CNTN4: variants seen among roughly 807,000 people sequenced by gnomAD.
CNTN4 encodes the protein contactin-4.
CNTN4 carries 77 observed loss-of-function variants against 122.5 expected under a neutral mutation model. That is an observed-to-expected ratio of 0.63 (90% CI 0.52 to 0.76). The LOEUF is 0.76. Ranked by LOEUF, CNTN4 falls within the 30% of genes least tolerant of loss-of-function variation. The probability of loss-of-function intolerance (pLI) is 0.00; values close to 1 mark genes in which losing one functional copy is unlikely to be tolerated. For missense variants in CNTN4, 1,256 were observed against 1,259.1 expected (o/e 1.00, Z 0.04); for synonymous variants, 512 against 447.0 (o/e 1.15, Z -1.83).
chr3:2,616,114 C>T (rs1248349954), intron 4 of CNTN4, among the ~76,000 whole-genome samples: 2 of 151,364 alleles, frequency 1.3e-5, no homozygotes, highest in Non-Finnish European at 2.9e-5. Flanking sequence ...CTTGCTGCAC[C>T]TATTGATCCG....
At chr3:2,246,954 T>A (rs150482502) in intron 2 of CNTN4, among the ~76,000 whole-genome samples, 1 of 152,006 alleles carries the variant, frequency 6.6e-6, no homozygotes, top group Non-Finnish European at 1.5e-5. Context: ...AACATACACA[T>A]AGAGACAAGA....
intron 14 of CNTN4, among the ~76,000 whole-genome samples, chr3:2,992,680 C>A (rs1253327417): frequency 6.6e-6 from 1 of 152,032 alleles, no homozygotes; most frequent in East Asian, 1.9e-4. Flanking sequence ...TAATAGCAAC[C>A]CTCACTCCTA....
chr3:2,208,720 G>A (rs2038474334), intron 2 of CNTN4, among the ~76,000 whole-genome samples: 1 of 152,070 alleles, frequency 6.6e-6, no homozygotes, highest in African/African-American at 2.4e-5. Context: ...CTTATTTTCA[G>A]AAATGGCCAC....
intron 14 of CNTN4, among the ~76,000 whole-genome samples, chr3:3,020,083 A>C (rs910761643): frequency 6.6e-5 from 10 of 152,160 alleles, no homozygotes; most frequent in Admixed American, 3.3e-4. Flanking sequence ...GTTAGCCTTC[A>C]GGCAGTTCCT....
intron 4 of CNTN4, among the ~76,000 whole-genome samples, chr3:2,652,021 G>T (rs915375850): frequency 1.7e-4 from 24 of 143,996 alleles, no homozygotes; most frequent in East Asian, 4.0e-4. Context: ...AAAAGGTGTT[G>T]TTTTTTTTTT....
At chr3:2,950,172 C>A (rs1479483068) in intron 13 of CNTN4, among the ~76,000 whole-genome samples, 1 of 152,314 alleles carries the variant, frequency 6.6e-6, no homozygotes, top group East Asian at 1.9e-4. Context: ...TCCAGAGAGC[C>A]CTGTTTCCTC....
At chr3:2,384,965 C>T (rs2046190000) in intron 3 of CNTN4, among the ~76,000 whole-genome samples, 1 of 152,040 alleles carries the variant, frequency 6.6e-6, no homozygotes, top group Non-Finnish European at 1.5e-5. Context: ...GACGTTCAAA[C>T]TCATTTGGCT....
At position 2,736,743 on chromosome 3, in the gene CNTN4, G is replaced by A. The variant is rs997119938; in HGVS notation, c.182+402G>A. On this transcript the variant is annotated intron_variant, in intron 5 of 24. Transcript: ENST00000418658. Reference sequence around the variant, plus strand: ...CTCCCAAAGTGCTGGGATTACAGGCGTGAGCCACCACACCCGGACCAAGAG... The same window carrying A: ...CTCCCAAAGTGCTGGGATTACAGGCATGAGCCACCACACCCGGACCAAGAG... Among the ~76,000 whole-genome samples the A allele has an allele frequency of 2.6e-5, 4 of 151,548 alleles. No individual in the cohort carries two copies. The East Asian group carries it at 7.8e-4, about 30-fold the overall frequency.
intron 2 of CNTN4, among the ~76,000 whole-genome samples, chr3:2,318,702 G>A (rs2043189408): frequency 6.6e-6 from 1 of 152,122 alleles, no homozygotes; most frequent in Non-Finnish European, 1.5e-5. Flanking sequence ...AGGCCAGAGT[G>A]CAGTGGAGCT....
At chr3:2,361,007 C>G (rs944382449) in intron 3 of CNTN4, among the ~76,000 whole-genome samples, 1 of 152,088 alleles carries the variant, frequency 6.6e-6, no homozygotes, top group Non-Finnish European at 1.5e-5. Flanking sequence ...CACTGTGGCT[C>G]TTTTGTGGGT....
At chr3:3,051,218 ATAATAT>A (rs779521974) in intron 23 of CNTN4, among the ~76,000 whole-genome samples, 30 of 152,196 alleles carry the variant, frequency 2.0e-4, no homozygotes, top group Non-Finnish European at 2.8e-4. Flanking sequence ...GAAGTAGTCT[ATAATAT>A]TTGCTATTAT....
At chr3:2,938,966 T>C (rs1486350465) in intron 13 of CNTN4, among the ~76,000 whole-genome samples, 2 of 152,330 alleles carry the variant, frequency 1.3e-5, no homozygotes, top group South Asian at 4.1e-4. Context: ...CAGGCAGTGC[T>C]TTGTGCCTTC....
chr3:2,634,370 G>A (rs986886342), intron 4 of CNTN4, among the ~76,000 whole-genome samples: 2 of 152,076 alleles, frequency 1.3e-5, no homozygotes, highest in African/African-American at 2.4e-5. Flanking sequence ...GTTTAATATA[G>A]CAAATAAGTA....
chr3:2,960,171 C>G (rs2094838424), intron 13 of CNTN4, among the ~76,000 whole-genome samples: 1 of 152,052 alleles, frequency 6.6e-6, no homozygotes, highest in Non-Finnish European at 1.5e-5. Context: ...AGGCTACATC[C>G]CTAGTGAAAA....
chr3:3,050,106 G>C (rs1176814792), intron 23 of CNTN4, among the ~76,000 whole-genome samples: 1 of 152,106 alleles, frequency 6.6e-6, no homozygotes, highest in African/African-American at 2.4e-5. Flanking sequence ...TCACCTCATG[G>C]CCTAATTATC....
chr3:2,562,291 G>A (rs572727250), intron 3 of CNTN4, among the ~76,000 whole-genome samples: 59 of 152,224 alleles, frequency 3.9e-4, no homozygotes, highest in Non-Finnish European at 8.1e-4. Context: ...GGTATATTGT[G>A]TGATGCTGAA....
chr3:2,833,640 A>C (rs115145537), intron 7 of CNTN4, among the ~76,000 whole-genome samples: 13,595 of 152,210 alleles, frequency 0.089, 1,087 homozygotes, highest in East Asian at 0.42. Context: ...TAAAGAAGAA[A>C]GGATGTTTAC....
At chr3:2,258,226 A>C (rs1179068216) in intron 2 of CNTN4, among the ~76,000 whole-genome samples, 1 of 152,212 alleles carries the variant, frequency 6.6e-6, no homozygotes, top group East Asian at 1.9e-4. Flanking sequence ...CATTTAACCC[A>C]GCAATCCCAT....
chr3:2,268,225 G>T (rs1254799395), intron 2 of CNTN4, among the ~76,000 whole-genome samples: 1 of 152,104 alleles, frequency 6.6e-6, no homozygotes, highest in Non-Finnish European at 1.5e-5. Context: ...GCCTCTTATG[G>T]TGAGGGAGGG....
Sources: gnomAD v4.1 joint callset for allele counts (sites outside exome capture counted in the v4.1 genomes callset) on GRCh38, gnomAD v4.1.1 for gene constraint, MANE v1.5 for transcripts, NCBI Gene and HGNC (gene_info 2026-07-23, HGNC 2026-07-21) for gene names.